STIM1: variants seen among roughly 807,000 people sequenced by gnomAD.
STIM1 encodes the protein stromal interaction molecule 1.
A neutral mutation model predicts 74.7 loss-of-function variants in STIM1; 25 were observed. The observed-to-expected ratio is 0.33, with a 90% CI of 0.24 to 0.47. The LOEUF is 0.47. Ranked by LOEUF, STIM1 falls within the 20% of genes least tolerant of loss-of-function variation. STIM1 has a pLI of 1.00. For missense variants in STIM1, 728 were observed against 920.8 expected, an observed-to-expected ratio of 0.79 and a Z score of 2.71; for synonymous variants, 328 against 348.8, an observed-to-expected ratio of 0.94 and a Z score of 0.66.
intron 2 of STIM1, among the ~76,000 whole-genome samples, chr11:3,996,336 G>C (rs1270800741): frequency 6.6e-6 from 1 of 152,134 alleles, no homozygotes; most frequent in Non-Finnish European, 1.5e-5. Flanking sequence ...CATCTTATGA[G>C]CCAGGGCAAT....
intron 2 of STIM1, among the ~76,000 whole-genome samples, chr11:3,981,412 T>G (rs1248046050): frequency 1.3e-5 from 2 of 152,252 alleles, no homozygotes. Context: ...TATTCATTGC[T>G]GTTTCTCATA....
chr11:4,030,221 C>T (rs762749879), intron 3 of STIM1, among the ~76,000 whole-genome samples: 2 of 150,786 alleles, frequency 1.3e-5, no homozygotes, highest in Non-Finnish European at 2.9e-5. Flanking sequence ...CCCAGCTACT[C>T]GGGAGGCTGA....
chr11:4,069,999 C>A, intron 5 of STIM1, 27 bp from the exon 6 acceptor site: 1 of 1,613,304 alleles, frequency 6.2e-7, no homozygotes, highest in South Asian at 1.1e-5. Context: ...GGCACCCTAA[C>A]TCATCATGCC....
At chr11:3,940,621 C>T (rs1042230766) in intron 1 of STIM1, among the ~76,000 whole-genome samples, 10 of 152,044 alleles carry the variant, frequency 6.6e-5, no homozygotes, top group Admixed American at 6.6e-4. Context: ...AAGCAGCATA[C>T]CCCCATGCAC....
chr11:3,887,385 A>G (rs1317761883), intron 1 of STIM1, among the ~76,000 whole-genome samples: 1 of 152,186 alleles, frequency 6.6e-6, no homozygotes, highest in Admixed American at 6.5e-5. Flanking sequence ...TGGGCCATAC[A>G]TCTAGAAGTG....
intron 3 of STIM1, among the ~76,000 whole-genome samples, chr11:4,053,554 G>A (rs2094261805): frequency 1.3e-5 from 2 of 151,698 alleles, no homozygotes; most frequent in Non-Finnish European, 2.9e-5. Flanking sequence ...ACACAGGAAG[G>A]GGAACATCAC....
In STIM1 at chr11:4,070,278, C is replaced by G. The variant is rs191404949; in HGVS notation, c.791+75C>G. 8.4e-4 allele frequency: 1,314 copies of G among 1,556,752 alleles called. 7 individuals are homozygous for G. The African/African-American group carries it at 0.016, about 19-fold the overall frequency. On this transcript the variant is annotated intron_variant, in intron 6 of 12. Coordinates refer to ENST00000526596, the MANE Select transcript of STIM1 (RefSeq NM_001382567.1). ...CCTCCTATTTCCACCTGGGTGTGAGCCACTTGGCCCCTGAGACCTTGTCAG... is the reference window on the plus strand; with the variant it reads ...CCTCCTATTTCCACCTGGGTGTGAGGCACTTGGCCCCTGAGACCTTGTCAG...
intron 1 of STIM1, among the ~76,000 whole-genome samples, chr11:3,896,262 T>G (rs1016927026): frequency 3.3e-5 from 5 of 152,120 alleles, no homozygotes; most frequent in African/African-American, 9.7e-5. Flanking sequence ...GAATGGTAAA[T>G]ACAGTTATTT....
chr11:3,882,592 TAAAATAAA>T (rs1389816764), intron 1 of STIM1, among the ~76,000 whole-genome samples: 1 of 152,186 alleles, frequency 6.6e-6, no homozygotes, highest in Non-Finnish European at 1.5e-5. Context: ...CCCCGGAACT[TAAAATAAA>T]AAGAAAAAAG....
intron 2 of STIM1, among the ~76,000 whole-genome samples, chr11:4,011,155 T>C (rs1207989473): frequency 2.0e-5 from 3 of 152,232 alleles, no homozygotes; most frequent in Non-Finnish European, 4.4e-5. Context: ...TCTTTGCTAT[T>C]GTGAATAGTG....
intron 1 of STIM1, among the ~76,000 whole-genome samples, chr11:3,898,220 A>G (rs2092245610): frequency 6.7e-6 from 1 of 149,586 alleles, no homozygotes; most frequent in Non-Finnish European, 1.5e-5. Context: ...CTGGTGTGAG[A>G]TGGTATCTCA....
rs1464818121 is a variant in STIM1 at position 4,021,450 on chromosome 11, T to C, written c.271-2423T>C. On this transcript the variant is annotated intron_variant, in intron 2 of 12. Coordinates refer to ENST00000526596, the MANE Select transcript of STIM1 (RefSeq NM_001382567.1). ...CCCCAGTACAGTTTATTGAAGAGAT[T>C]GTCCTTTCCTCAGTGTTTGTTCATG... Among the ~76,000 whole-genome samples the C allele has an allele frequency of 2.6e-5, 4 of 152,286 alleles. 1 individual carries two copies. The highest frequency in any genetic ancestry group is 7.2e-5 in the African/African-American group (3 of 41,574).
At chr11:4,033,343 T>C (rs2094068727) in intron 3 of STIM1, among the ~76,000 whole-genome samples, 1 of 152,218 alleles carries the variant, frequency 6.6e-6, no homozygotes, top group Admixed American at 6.5e-5. Context: ...CGATGCGGGC[T>C]CTTTTTTGGT....
intron 1 of STIM1, among the ~76,000 whole-genome samples, chr11:3,880,286 G>C (rs2091454179): frequency 6.6e-6 from 1 of 152,200 alleles, no homozygotes. Context: ...GGCATTAGAA[G>C]CCTGCTAGCA....
intron 4 of STIM1, among the ~76,000 whole-genome samples, chr11:4,057,075 G>A (rs549364720): frequency 6.6e-6 from 1 of 152,170 alleles, no homozygotes; most frequent in Non-Finnish European, 1.5e-5. Context: ...AGAGGACAAA[G>A]AGATGTATTA....
chr11:4,059,471 AG>A, intron 5 of STIM1, 75 bp downstream of exon 5: 1 of 1,269,898 alleles, frequency 7.9e-7, no homozygotes, highest in East Asian at 2.4e-5. Flanking sequence ...GCTAAGGCTA[AG>A]GCTCTGGGTC....
intron 1 of STIM1, among the ~76,000 whole-genome samples, chr11:3,945,354 A>C (rs1362651385): frequency 6.6e-6 from 1 of 152,154 alleles, no homozygotes; most frequent in Non-Finnish European, 1.5e-5. Context: ...AGGCGGGTGG[A>C]TCACCTGCGG....
At chr11:3,955,276 G>C (rs549977699) in intron 1 of STIM1, among the ~76,000 whole-genome samples, 14 of 152,312 alleles carry the variant, frequency 9.2e-5, no homozygotes, top group African/African-American at 3.4e-4. Context: ...TGATGGAAAG[G>C]TTCTGCATCT....
At chr11:3,895,671 T>TTCC (rs869179022) in intron 1 of STIM1, among the ~76,000 whole-genome samples, 22 of 43,370 alleles carry the variant, frequency 5.1e-4, no homozygotes, top group South Asian at 1.0e-3. Flanking sequence ...TCTTTCTTTC[T>TTCC]TTCCTTCCTT....
Sources: allele counts gnomAD v4.1 joint callset (sites outside exome capture counted in the v4.1 genomes callset), GRCh38; gene constraint gnomAD v4.1.1; transcripts MANE v1.5; gene names NCBI Gene and HGNC (gene_info 2026-07-23, HGNC 2026-07-21).